ASIC2: variants seen among roughly 807,000 people sequenced by gnomAD.
The protein encoded by ASIC2 is acid sensing ion channel subunit 2.
In ASIC2, 25 loss-of-function variants were observed where a neutral mutation model predicts 57.3. The observed-to-expected ratio is 0.44, with a 90% CI of 0.32 to 0.61. The LOEUF is 0.61. ASIC2 is among the 20% of genes least tolerant of loss of function. ASIC2 has a pLI of 0.06. For missense variants in ASIC2, 641 were observed against 738.1 expected (o/e 0.87, Z 1.52); for synonymous variants, 319 against 307.5 (o/e 1.04, Z -0.39).
chr17:33,536,368 C>G (rs749280805), intron 1 of ASIC2, among the ~76,000 whole-genome samples: 2 of 152,072 alleles, frequency 1.3e-5, no homozygotes, highest in African/African-American at 4.8e-5. Context: ...TTGTGAGAGC[C>G]GACTGTCAAA....
chr17:33,579,286 CA>C (rs71362894), intron 1 of ASIC2, among the ~76,000 whole-genome samples: 1,638 of 103,598 alleles, frequency 0.016, 16 homozygotes, highest in African/African-American at 0.033. Context: ...AACTGTGTCT[CA>C]AAAAAAAAAA....
intron 3 of ASIC2, among the ~76,000 whole-genome samples, chr17:33,067,153 A>C (rs1474393921): frequency 5.3e-5 from 8 of 152,154 alleles, no homozygotes; most frequent in Admixed American, 5.2e-4. Context: ...GCAGATAAAT[A>C]ATGGGGCCAA....
chr17:34,140,404 C>T (rs1004461441), intron 1 of ASIC2, among the ~76,000 whole-genome samples: 74 of 152,238 alleles, frequency 4.9e-4, no homozygotes, highest in African/African-American at 1.7e-3. Flanking sequence ...TGTAACTATC[C>T]TAGCTCTGTC....
At chr17:34,136,636 T>C (rs922135258) in intron 1 of ASIC2, among the ~76,000 whole-genome samples, 1 of 152,240 alleles carries the variant, frequency 6.6e-6, no homozygotes, top group Non-Finnish European at 1.5e-5. Context: ...ACAAATGTGT[T>C]ACTTACATTA....
chr17:33,869,407 T>C (rs1377806375), intron 1 of ASIC2, among the ~76,000 whole-genome samples: 2 of 152,080 alleles, frequency 1.3e-5, no homozygotes, highest in Non-Finnish European at 2.9e-5. Flanking sequence ...TCAAGAGAAA[T>C]AAAAACACAT....
At chr17:33,399,049 A>G (rs1910185846) in intron 1 of ASIC2, among the ~76,000 whole-genome samples, 1 of 152,154 alleles carries the variant, frequency 6.6e-6, no homozygotes, top group Non-Finnish European at 1.5e-5. Flanking sequence ...GTATCCAGAG[A>G]AGCAGAGAAA....
intron 2 of ASIC2, among the ~76,000 whole-genome samples, chr17:33,104,076 C>T (rs1296941645): frequency 3.3e-5 from 5 of 152,166 alleles, no homozygotes; most frequent in Admixed American, 6.5e-5. Context: ...TTCTCAGCCT[C>T]GTGTAATCTG....
intron 1 of ASIC2, among the ~76,000 whole-genome samples, chr17:33,889,878 A>G (rs1306225840): frequency 1.3e-5 from 2 of 152,234 alleles, no homozygotes; most frequent in Non-Finnish European, 2.9e-5. Context: ...TCACCACCTC[A>G]TGAGGACTGG....
intron 1 of ASIC2, among the ~76,000 whole-genome samples, chr17:34,052,994 T>A (rs555531438): frequency 9.9e-5 from 15 of 152,154 alleles, no homozygotes; most frequent in Admixed American, 6.5e-4. Context: ...CTATTCCAAT[T>A]TTATACTTAG....
chr17:33,256,020 A>G (rs888765384), intron 1 of ASIC2, among the ~76,000 whole-genome samples: 46 of 152,222 alleles, frequency 3.0e-4, no homozygotes, highest in African/African-American at 8.7e-4. Flanking sequence ...AGGAAAAAAA[A>G]CGCATTACAG....
chr17:33,897,318 C>T (rs141031720), intron 1 of ASIC2, among the ~76,000 whole-genome samples: 1 of 152,150 alleles, frequency 6.6e-6, no homozygotes, highest in African/African-American at 2.4e-5. Context: ...AATGGTTTTG[C>T]CCCAAAGCCT....
intron 1 of ASIC2, among the ~76,000 whole-genome samples, chr17:33,778,369 G>C (rs1296368663): frequency 6.6e-6 from 1 of 152,032 alleles, no homozygotes; most frequent in East Asian, 1.9e-4. Flanking sequence ...CCCTGCCCTT[G>C]CTTGCTTACC....
At chr17:33,678,579 A>G (rs1295088846) in intron 1 of ASIC2, among the ~76,000 whole-genome samples, 1 of 152,106 alleles carries the variant, frequency 6.6e-6, no homozygotes, top group African/African-American at 2.4e-5. Context: ...CACCCAGTCC[A>G]CAGCCGATCA....
At chr17:33,942,401 A>G (rs1183396695) in intron 1 of ASIC2, among the ~76,000 whole-genome samples, 3 of 152,156 alleles carry the variant, frequency 2.0e-5, no homozygotes, top group Non-Finnish European at 4.4e-5. Context: ...TATTTCACAG[A>G]TGAAGAAATT....
At chr17:33,684,202 G>T (rs1385882439) in intron 1 of ASIC2, among the ~76,000 whole-genome samples, 2 of 152,176 alleles carry the variant, frequency 1.3e-5, no homozygotes, top group African/African-American at 4.8e-5. Context: ...ACCCTGGCAT[G>T]TCCAAAAGCA....
At chr17:33,995,820 A>G (rs1237184469) in intron 1 of ASIC2, among the ~76,000 whole-genome samples, 1 of 152,204 alleles carries the variant, frequency 6.6e-6, no homozygotes, top group Non-Finnish European at 1.5e-5. Context: ...ATACAGGAGT[A>G]CAGATATCTC....
At chr17:33,573,049 A>C (rs1243158100) in intron 1 of ASIC2, among the ~76,000 whole-genome samples, 20 of 152,206 alleles carry the variant, frequency 1.3e-4, no homozygotes, top group Admixed American at 1.2e-3. Flanking sequence ...ATGGTGTGAA[A>C]CTATGGTCTT....
At chr17:33,120,622 T>C (rs1262470027) in intron 1 of ASIC2, among the ~76,000 whole-genome samples, 1 of 152,158 alleles carries the variant, frequency 6.6e-6, no homozygotes, top group African/African-American at 2.4e-5. Flanking sequence ...CTTGAGATGA[T>C]GAAGTGGAAG....
intron 1 of ASIC2, among the ~76,000 whole-genome samples, chr17:33,958,052 G>A (rs912940629): frequency 6.6e-6 from 1 of 152,224 alleles, no homozygotes; most frequent in Non-Finnish European, 1.5e-5. Flanking sequence ...AAACCTTAAA[G>A]TTCCAAAATG....
Sources: gnomAD v4.1 joint callset for allele counts (sites outside exome capture counted in the v4.1 genomes callset) on GRCh38, gnomAD v4.1.1 for gene constraint, MANE v1.5 for transcripts, NCBI Gene and HGNC (gene_info 2026-07-23, HGNC 2026-07-21) for gene names.